ATOH8: variants seen among roughly 807,000 people sequenced by gnomAD.
ATOH8 encodes transcription factor ATOH8.
Under a neutral mutation model 21.2 loss-of-function variants are expected in ATOH8, and 9 were observed. The observed-to-expected ratio is 0.42, with a 90% CI of 0.26 to 0.74. The LOEUF is 0.74. ATOH8 is among the 30% of genes least tolerant of loss of function. The pLI is 0.24. For missense variants in ATOH8, 524 were observed against 470.9 expected, an observed-to-expected ratio of 1.11 and a Z score of -1.04; for synonymous variants, 253 against 224.0, an observed-to-expected ratio of 1.13 and a Z score of -1.16.
In ATOH8 at chr2:85,790,222, C is replaced by T. The variant is rs1219588612; in HGVS notation, c.*3332C>T. Among the ~76,000 whole-genome samples the T allele has an allele frequency of 1.3e-5, 2 of 152,188 alleles. No homozygotes were observed. Among genetic ancestry groups the T allele is most frequent in the Non-Finnish European group, 2.9e-5 (2 of 68,050 alleles). ...CCTTGTCTTGTCTGCTCTGGGTCAC[C>T]AGGCACAGGCCATAAAGGGATGAGG... On this transcript the variant is annotated 3_prime_UTR_variant, in exon 3 of 3. Coordinates refer to ENST00000306279, the MANE Select transcript of ATOH8 (RefSeq NM_032827.7).
chr2:85,788,746 C>T lies in ATOH8; in HGVS notation c.*1856C>T, dbSNP rs1452404804. On this transcript the variant is annotated 3_prime_UTR_variant, in exon 3 of 3. Transcript: ENST00000306279. ...CTTTCTCGTCTCTGCTGCTCAGACT[C>T]CTGGGCTGGGCTGGGGCTGGCTGCA... Among the ~76,000 whole-genome samples, 1 of 152,204 alleles carries T rather than the reference C, an allele frequency of 6.6e-6. No individual in the cohort carries two copies. Among genetic ancestry groups the T allele is most frequent in the East Asian group, 1.9e-4 (1 of 5,192 alleles).
rs762558662 is a variant in ATOH8 at position 85,764,147 on chromosome 2, A to G, written c.925A>G (p.Thr309Ala). Residue 309 changes from threonine (T) to alanine (A), a missense_variant, in exon 2 of 3, where the codon ACC becomes GCC. Transcript: ENST00000306279. The stretch of plus-strand genomic sequence containing the variant: ...CGAGTGTGTGCAGCGCTGCACCCGC[A>G]CCCTGCAGGCCGAGGGACGTGCCAA... ...FSECVQRCTRTLQAEGRAKKR... is the reference protein window; with the variant it reads ...FSECVQRCTRALQAEGRAKKR... The G allele has an allele frequency of 9.9e-6, 16 of 1,613,864 alleles. No individual in the cohort carries two copies. In the East Asian group the frequency reaches 3.3e-4, roughly 34 times the overall value.
chr2:85,786,854 G>A (rs766557303), intron 2 of ATOH8, 31 bp from the exon 3 acceptor site: 2 of 1,613,756 alleles, frequency 1.2e-6, no homozygotes, highest in Non-Finnish European at 8.5e-7. Context: ...TGGAGCAGGG[G>A]CAGCTTTTAA....
intron 2 of ATOH8, among the ~76,000 whole-genome samples, chr2:85,780,787 G>A (rs1309824648): frequency 6.6e-6 from 1 of 152,218 alleles, no homozygotes; most frequent in Non-Finnish European, 1.5e-5. Context: ...AGACACTCGG[G>A]ACCTTGAAGG....
chr2:85,769,639 G>A (rs1680124941), intron 2 of ATOH8, among the ~76,000 whole-genome samples: 1 of 152,244 alleles, frequency 6.6e-6, no homozygotes, highest in Non-Finnish European at 1.5e-5. Flanking sequence ...CCAGGGACAA[G>A]ATGAAGGCAT....
intron 2 of ATOH8, among the ~76,000 whole-genome samples, chr2:85,764,965 G>C (rs1165561817): frequency 6.6e-6 from 1 of 152,172 alleles, no homozygotes; most frequent in Non-Finnish European, 1.5e-5. Flanking sequence ...CTGAGGCAGA[G>C]GGAACAGCTT....
chr2:85,762,863 C>T (rs1679903050), intron 1 of ATOH8, among the ~76,000 whole-genome samples: 1 of 152,126 alleles, frequency 6.6e-6, no homozygotes, highest in Admixed American at 6.5e-5. Flanking sequence ...CTGCAATGCC[C>T]CCACTCCCCT....
rs138255255 is a variant in ATOH8, at chr2:85,764,951, G to A, written c.960+769G>A. On this transcript the variant is annotated intron_variant, in intron 2 of 2. Transcript: ENST00000306279. ...CACCAGGCAGATGAAGGAGGGAACA[G>A]CATCTGAGGCAGAGGGAACAGCTTG... 3.9e-3 allele frequency among the ~76,000 whole-genome samples: 593 copies of A among 152,186 alleles called. 3 individuals carry two copies. Among genetic ancestry groups the A allele is most frequent in the African/African-American group, 0.013 (553 of 41,450 alleles).
chr2:85,771,829 C>T (rs779993223), intron 2 of ATOH8, among the ~76,000 whole-genome samples: 3 of 152,210 alleles, frequency 2.0e-5, no homozygotes, highest in Non-Finnish European at 4.4e-5. Flanking sequence ...TTATACTAAC[C>T]CCAAAGTTGG....
Position 85,754,901 on chromosome 2 carries a change from A to T in ATOH8, c.712A>T (p.Arg238Trp). 6.2e-7 allele frequency: 1 copy of T among 1,610,050 alleles called. No individual in the cohort carries two copies. The highest frequency in any genetic ancestry group is 1.3e-5 in the African/African-American group (1 of 74,876). Residue 238 changes from arginine (R) to tryptophan (W), a missense_variant, in exon 1 of 3, where the codon AGG (arginine) becomes TGG (tryptophan). By Grantham distance (101) the Arg-to-Trp change is moderately radical. Coordinates refer to ENST00000306279, the MANE Select transcript of ATOH8 (RefSeq NM_032827.7). Reference protein sequence around the residue: ...QQTRRLLANARERTRVHTISA... With the variant: ...QQTRRLLANAWERTRVHTISA... ...GACCCGGAGGCTCCTGGCGAACGCC[A>T]GGGAGCGGACGCGGGTGCACACCAT...
intron 2 of ATOH8, 84 bp from the exon 3 acceptor site, chr2:85,786,801 C>T: frequency 1.2e-6 from 2 of 1,600,438 alleles, no homozygotes; most frequent in East Asian, 2.2e-5. Context: ...CTGGAGGACT[C>T]AGTGAAGGGA....
In ATOH8 at chr2:85,789,526, T is replaced by G. The variant is rs1338615131; in HGVS notation, c.*2636T>G. ...TCTTAAATGGTGAGTAAAAGCTTTC[T>G]GAGCAGGGGAGTAGGAAAAGGGCTT... On this transcript the variant is annotated 3_prime_UTR_variant, in exon 3 of 3. Coordinates refer to ENST00000306279, the MANE Select transcript of ATOH8 (RefSeq NM_032827.7). Among the ~76,000 whole-genome samples, 1 of 152,178 alleles carries G rather than the reference T, an allele frequency of 6.6e-6. No individual in the cohort carries two copies. The highest frequency in any genetic ancestry group is 2.4e-5 in the African/African-American group (1 of 41,450).
rs1680749130 is a variant in ATOH8, at chr2:85,790,795, GAC to G, written c.*3907_*3908del. The stretch of plus-strand genomic sequence containing the variant: ...GCATAGGTGCAGCTAATTAGGATAA[GAC>G]AGGGGCCGCGCTGTGGTCAGCCGTG... On this transcript the variant is annotated 3_prime_UTR_variant, in exon 3 of 3. Coordinates refer to ENST00000306279, the MANE Select transcript of ATOH8 (RefSeq NM_032827.7). 6.6e-6 allele frequency among the ~76,000 whole-genome samples: 1 copy of G among 152,208 alleles called. No homozygotes were observed. Among genetic ancestry groups the G allele is most frequent in the African/African-American group, 2.4e-5 (1 of 41,450 alleles).
chr2:85,777,745 T>G (rs1157460144), intron 2 of ATOH8, among the ~76,000 whole-genome samples: 1 of 152,236 alleles, frequency 6.6e-6, no homozygotes, highest in African/African-American at 2.4e-5. Context: ...CTGGGAGGGC[T>G]GGGCTTCTCG....
intron 1 of ATOH8, among the ~76,000 whole-genome samples, chr2:85,759,218 C>T (rs1308860499): frequency 6.6e-6 from 1 of 152,160 alleles, no homozygotes; most frequent in Non-Finnish European, 1.5e-5. Flanking sequence ...CCACAGGGTG[C>T]AAGGAGGGCA....
chr2:85,778,734 C>T lies in ATOH8; in HGVS notation c.961-8151C>T, dbSNP rs542272291. On this transcript the variant is annotated intron_variant, in intron 2 of 2. Coordinates refer to ENST00000306279, the MANE Select transcript of ATOH8 (RefSeq NM_032827.7). ...TAAGGACTGGGGAGGGGAGGCGCTTCGAGAGGCAGCAGGGTGATGGGAGCA... is the reference window on the plus strand; with the variant it reads ...TAAGGACTGGGGAGGGGAGGCGCTTTGAGAGGCAGCAGGGTGATGGGAGCA... 8.5e-5 allele frequency among the ~76,000 whole-genome samples: 13 copies of T among 152,290 alleles called. No homozygotes were observed. In the East Asian group the frequency reaches 1.7e-3, roughly 20 times the overall value.
Position 85,785,060 on chromosome 2 carries a change from G to A in ATOH8, c.961-1825G>A, listed in dbSNP as rs1328828951. ...TAGCTGTGGCTTCAGCGGGGACTAA[G>A]AGCCAACAGACGGCTTGGGGCTGGC... On this transcript the variant is annotated intron_variant, in intron 2 of 2. Transcript: ENST00000306279. The surrounding 1 kb of genome is among the most constrained non-coding windows in gnomAD (Gnocchi z 4.1). Among the ~76,000 whole-genome samples, 1 of 152,266 alleles carries A rather than the reference G, an allele frequency of 6.6e-6. No individual in the cohort carries two copies. The highest frequency in any genetic ancestry group is 2.4e-5 in the African/African-American group (1 of 41,474).
intron 2 of ATOH8, among the ~76,000 whole-genome samples, chr2:85,768,363 G>A (rs1680082131): frequency 6.6e-6 from 1 of 152,200 alleles, no homozygotes; most frequent in Admixed American, 6.5e-5. Flanking sequence ...TCAGTTGCAT[G>A]TTAGCTGGGG....
At chr2:85,755,106 C>T in intron 1 of ATOH8, 149 bp downstream of exon 1, 1 of 1,119,754 alleles carries the variant, frequency 8.9e-7, no homozygotes, top group Admixed American at 2.9e-5. Context: ...GTGGGCAGTC[C>T]TAGGGTATGG....
Sources: allele counts gnomAD v4.1 joint callset (sites outside exome capture counted in the v4.1 genomes callset), GRCh38; gene constraint gnomAD v4.1.1; non-coding constraint Gnocchi (gnomAD v3.1); transcripts MANE v1.5; gene names NCBI Gene and HGNC (gene_info 2026-07-23, HGNC 2026-07-21).